The following DAB1 variants were observed in gnomAD, a reference collection of about 807,000 sequenced individuals.
DAB1 encodes disabled homolog 1.
In DAB1, 15 loss-of-function variants were observed where a neutral mutation model predicts 64.6. The observed-to-expected ratio is 0.23, with a 90% CI of 0.16 to 0.36. The LOEUF is 0.36. Ranked by LOEUF, DAB1 falls within the 10% of genes least tolerant of loss-of-function variation. The pLI is 1.00. For synonymous variants in DAB1, 235 were observed against 251.9 expected (o/e 0.93, Z 0.64); for missense variants, 596 against 706.7 (o/e 0.84, Z 1.78).
intron 4 of DAB1, among the ~76,000 whole-genome samples, chr1:57,081,061 T>C (rs1213544320): frequency 6.6e-6 from 1 of 152,156 alleles, no homozygotes; most frequent in Non-Finnish European, 1.5e-5. Flanking sequence ...ACTAAACATA[T>C]AGTTTGTATA....
rs566477495 is a variant in DAB1, at chr1:58,539,990, T to C, written n.32+6713A>G. ...AATCCCCCTCCCATATTCAGCTGAG[T>C]CCTGTCTGGGCATATGTGTAAGAAA... On this transcript the variant is annotated intron_variant and non_coding_transcript_variant, in intron 1 of 20. Coordinates refer to the DAB1 transcript ENST00000485760. Among the ~76,000 whole-genome samples the C allele has an allele frequency of 4.6e-5, 7 of 152,134 alleles. No homozygotes were observed. The South Asian group carries it at 1.2e-3, about 27-fold the overall frequency.
rs148029992 is a variant in DAB1 at position 58,040,673 on chromosome 1, T to G, written n.387+109838A>C. Among the ~76,000 whole-genome samples the G allele has an allele frequency of 3.9e-5, 6 of 152,352 alleles. 1 individual carries two copies. The highest frequency in any genetic ancestry group is 1.4e-4 in the African/African-American group (6 of 41,578). ...AAGAGGAATCACAGAGTTAAAAATA[T>G]ACCACATGTCTAAATAGAATTAGCT... On this transcript the variant is annotated intron_variant and non_coding_transcript_variant, in intron 5 of 20. Transcript: ENST00000485760.
intron 2 of DAB1, among the ~76,000 whole-genome samples, chr1:57,261,438 T>A (rs555513422): frequency 8.1e-4 from 123 of 152,280 alleles, no homozygotes; most frequent in Middle Eastern, 3.4e-3. Flanking sequence ...TTCTTAATAA[T>A]TTACTTATTT....
chr1:58,071,397 T>TGTGTGTGG (rs1649248683), intron 5 of DAB1, among the ~76,000 whole-genome samples: 2 of 145,676 alleles, frequency 1.4e-5, no homozygotes, highest in African/African-American at 5.3e-5. Context: ...TGTGTGTGTG[T>TGTGTGTGG]GTGTGTGTGG....
At chr1:57,088,058 A>G (rs1366799820) in intron 4 of DAB1, among the ~76,000 whole-genome samples, 1 of 152,054 alleles carries the variant, frequency 6.6e-6, no homozygotes, top group Non-Finnish European at 1.5e-5. Context: ...ACACTAACAG[A>G]GTTTCTTTTT....
chr1:57,075,362 T>C (rs1570644204), intron 4 of DAB1, among the ~76,000 whole-genome samples: 1 of 152,348 alleles, frequency 6.6e-6, no homozygotes, highest in East Asian at 1.9e-4. Flanking sequence ...TAGCTGTGTG[T>C]GTGAGCGTGA....
chr1:57,060,163 T>TTATTTTATTTTA (rs1260578432), intron 9 of DAB1, among the ~76,000 whole-genome samples: 2 of 150,820 alleles, frequency 1.3e-5, no homozygotes, highest in Non-Finnish European at 2.9e-5. Context: ...TTATTTTATT[T>TTATTTTATTTTA]TATTTGAGAC....
At position 56,996,990 on chromosome 1, in the gene DAB1, T is replaced by C. The variant is rs1645651478; in HGVS notation, c.*1154A>G. The C allele has an allele frequency of 6.6e-6, 1 of 152,172 alleles. No homozygotes were observed. Among genetic ancestry groups the C allele is most frequent in the African/African-American group, 2.4e-5 (1 of 41,454 alleles). 9.4% of individuals were successfully genotyped at this position (152,172 alleles called of 1,614,324 possible). Reference sequence around the variant, plus strand: ...TTCAAGTTATAAAATAAAAATCCCATTTGAATTTTCTGATGTACAAAAAGA... The same window carrying C: ...TTCAAGTTATAAAATAAAAATCCCACTTGAATTTTCTGATGTACAAAAAGA... On this transcript the variant is annotated 3_prime_UTR_variant, in exon 15 of 15. Transcript: ENST00000371236.
intron 5 of DAB1, among the ~76,000 whole-genome samples, chr1:58,052,222 T>C (rs570006344): frequency 9.1e-4 from 138 of 152,344 alleles, no homozygotes; most frequent in African/African-American, 3.2e-3. Context: ...AATTTTTGTA[T>C]AAGAGGTAAG....
intron 4 of DAB1, among the ~76,000 whole-genome samples, chr1:58,330,284 A>C (rs1158601197): frequency 1.3e-5 from 2 of 152,238 alleles, no homozygotes; most frequent in Non-Finnish European, 2.9e-5. Flanking sequence ...ACTCTTCCTC[A>C]ATTCTATGAA....
intron 4 of DAB1, among the ~76,000 whole-genome samples, chr1:58,299,071 A>G (rs1295135113): frequency 1.3e-5 from 2 of 152,214 alleles, no homozygotes; most frequent in Non-Finnish European, 2.9e-5. Context: ...GAGGGCAGTC[A>G]TTCACAGATC....
At chr1:57,428,820 ACTT>A (rs1259144690), upstream of DAB1, among the ~76,000 whole-genome samples, 24 of 131,498 alleles carry the variant, frequency 1.8e-4, no homozygotes, top group African/African-American at 7.0e-4. Flanking sequence ...TTGCACCAAC[ACTT>A]CTTACATTTG....
intron 5 of DAB1, among the ~76,000 whole-genome samples, chr1:58,101,617 A>G (rs1651329085): frequency 6.6e-6 from 1 of 152,208 alleles, no homozygotes; most frequent in Non-Finnish European, 1.5e-5. Context: ...AGCATTAACA[A>G]ATATTTTTAA....
At chr1:57,193,371 C>T (rs1242754553) in intron 2 of DAB1, among the ~76,000 whole-genome samples, 3 of 137,830 alleles carry the variant, frequency 2.2e-5, no homozygotes, top group South Asian at 2.2e-4. Flanking sequence ...CAGATTCATC[C>T]GTAGCATATG....
chr1:57,038,769 A>T (rs1647329809), intron 9 of DAB1, among the ~76,000 whole-genome samples: 1 of 152,194 alleles, frequency 6.6e-6, no homozygotes, highest in Non-Finnish European at 1.5e-5. Context: ...TTACATCCAG[A>T]TTCTTACAAA....
chr1:58,294,098 A>G (rs888324449), intron 4 of DAB1, among the ~76,000 whole-genome samples: 6 of 152,160 alleles, frequency 3.9e-5, no homozygotes, highest in African/African-American at 1.4e-4. Context: ...AGACACTACA[A>G]TCTAGTTAAA....
intron 6 of DAB1, among the ~76,000 whole-genome samples, chr1:57,782,037 T>C (rs1229711642): frequency 1.3e-5 from 2 of 152,186 alleles, no homozygotes; most frequent in Non-Finnish European, 2.9e-5. Flanking sequence ...GCAATGATAA[T>C]TAAGCCTATT....
chr1:57,739,469 C>CCCCTCCCCTCCCCTTCCCTCCCCTA, intron 6 of DAB1, among the ~76,000 whole-genome samples: 1 of 80,822 alleles, frequency 1.2e-5, no homozygotes, highest in African/African-American at 5.4e-5. Flanking sequence ...TCCCTCCCCT[C>CCCCTCCCCTCCCCTTCCCTCCCCTA]CCCTCCCCTC....
At chr1:57,909,593 A>G (rs911623894) in intron 5 of DAB1, among the ~76,000 whole-genome samples, 1 of 152,176 alleles carries the variant, frequency 6.6e-6, no homozygotes, top group African/African-American at 2.4e-5. Flanking sequence ...ATGAAATGTG[A>G]TTGCCCATTA....
Sources: gnomAD v4.1 joint callset for allele counts (sites outside exome capture counted in the v4.1 genomes callset) on GRCh38, gnomAD v4.1.1 for gene constraint, MANE v1.5 for transcripts, NCBI Gene and HGNC (gene_info 2026-07-23, HGNC 2026-07-21) for gene names.